The following WDR19 variants were observed in gnomAD, a reference collection of about 807,000 sequenced individuals.
WDR19 encodes WD repeat-containing protein 19.
In WDR19, 121 loss-of-function variants were observed where a neutral mutation model predicts 180.0. The ratio of observed to expected loss-of-function variants is 0.67; its 90% CI spans 0.58 to 0.78. The LOEUF (loss-of-function observed/expected upper bound fraction) is 0.78, where lower values mean the gene tolerates loss of function less well. Ranked by LOEUF, WDR19 falls within the 30% of genes least tolerant of loss-of-function variation. The pLI is 0.00. For synonymous variants in WDR19, 497 were observed against 540.7 expected, an observed-to-expected ratio of 0.92 and a Z score of 1.12; for missense variants, 1,450 against 1,640.7, an observed-to-expected ratio of 0.88 and a Z score of 2.01.
rs1167602972 is a variant in WDR19, at chr4:39,281,215, G to GTGTGTGTGTGTGTGTATA, written c.*13+2553_*13+2554insGTGTGTGTGTGTGTATAT. ...TTGTCCTAAATATATATGTGTGTGT[G>GTGTGTGTGTGTGTGTATA]TATATATATATATATATATATAGAG... On this transcript the variant is annotated intron_variant, in intron 36 of 36. Transcript: ENST00000399820. 9.7e-4 allele frequency among the ~76,000 whole-genome samples: 107 copies of GTGTGTGTGTGTGTGTATA among 110,096 alleles called. 5 individuals are homozygous for GTGTGTGTGTGTGTGTATA. Among genetic ancestry groups the GTGTGTGTGTGTGTGTATA allele is most frequent in the Middle Eastern group, 4.2e-3 (1 of 238 alleles). 72.2% of individuals were successfully genotyped at this position (110,096 alleles called of 152,430 possible).
chr4:39,239,188 G>A (rs759860589), intron 20 of WDR19, among the ~76,000 whole-genome samples: 3 of 152,110 alleles, frequency 2.0e-5, no homozygotes, highest in Non-Finnish European at 2.9e-5. Context: ...ATGTTGGTCA[G>A]GCTGGTCTTG....
Position 39,240,318 on chromosome 4 carries a change from T to A in WDR19, c.2405T>A (p.Ile802Lys), listed in dbSNP as rs772297321. The A allele has an allele frequency of 1.3e-5, 19 of 1,437,830 alleles. No homozygotes were observed. In the South Asian group the frequency reaches 2.8e-4, roughly 21 times the overall value. The allele number at this position is 1,437,830 out of a possible 1,614,324, so 89.1% of individuals were successfully genotyped here. A position where few individuals can be genotyped will look rare whatever the true frequency, so the allele number is the denominator to read the frequency against. ...GCTTTGGCTCATTATGAGAAAGGAATAACAGGTGATAATAAGGTAACCTTG... is the reference window on the plus strand; with the variant it reads ...GCTTTGGCTCATTATGAGAAAGGAAAAACAGGTGATAATAAGGTAACCTTG... ...VNALAHYEKG[I>K]TGDNKEHDEA... The change falls in exon 21 of 37, where the codon ATA becomes AAA. Residue 802 changes from isoleucine (I) to lysine (K), a missense_variant. Coordinates refer to ENST00000399820, the MANE Select transcript of WDR19 (RefSeq NM_025132.4).
rs769790962 is a variant in WDR19, at chr4:39,205,754, AT to A, written c.890+23del. 1.1e-5 allele frequency: 17 copies of A among 1,567,714 alleles called. No homozygotes were observed. The highest frequency in any genetic ancestry group is 1.5e-5 in the Non-Finnish European group (17 of 1,154,940). On this transcript the variant is annotated intron_variant, in intron 9 of 36. Coordinates refer to ENST00000399820, the MANE Select transcript of WDR19 (RefSeq NM_025132.4). Reference sequence around the variant, plus strand: ...GATAACTGGTAAGTTATTTTCACATATTTTTAGGAAAGCTTATATAGTAAAT... The same window carrying A: ...GATAACTGGTAAGTTATTTTCACATATTTTAGGAAAGCTTATATAGTAAAT...
intron 24 of WDR19, among the ~76,000 whole-genome samples, chr4:39,249,923 G>A (rs948308016): frequency 2.6e-5 from 4 of 152,144 alleles, no homozygotes; most frequent in Non-Finnish European, 5.9e-5. Flanking sequence ...GGTACAAGGA[G>A]GAGCTGGTAC....
At chr4:39,266,955 C>T (rs1200029635) in intron 29 of WDR19, among the ~76,000 whole-genome samples, 5 of 152,120 alleles carry the variant, frequency 3.3e-5, no homozygotes, top group East Asian at 1.9e-4. Context: ...TGGTGGCATG[C>T]GCCTATAGTC....
intron 20 of WDR19, among the ~76,000 whole-genome samples, chr4:39,239,003 G>A (rs980343348): frequency 2.6e-5 from 4 of 152,118 alleles, no homozygotes. Context: ...TTGAGATGGA[G>A]TCTCACTCTG....
rs753924776 is a variant in WDR19 at position 39,228,649 on chromosome 4, C to T, written c.1941C>T (p.Asp647=). 8.7e-6 allele frequency: 14 copies of T among 1,609,540 alleles called. No individual in the cohort carries two copies. Among genetic ancestry groups the T allele is most frequent in the East Asian group, 4.5e-5 (2 of 44,856 alleles). Residue 647 remains aspartate (D), a synonymous_variant, in exon 17 of 37, where the codon GAC becomes GAT. Transcript: ENST00000399820. The part of the protein sequence containing the change: ...FLSNLKDTGP[D]ELRPMLAQNL... ...GCAACTTAAAAGATACGGGGCCTGA[C>T]GAACTGAGACCAATGCTGGCACAGA...
intron 31 of WDR19, among the ~76,000 whole-genome samples, chr4:39,272,172 GA>G (rs2109504975): frequency 6.6e-6 from 1 of 152,322 alleles, no homozygotes; most frequent in Non-Finnish European, 1.5e-5. Flanking sequence ...TGGAAGCACA[GA>G]ATCTAACAAA....
In WDR19 at chr4:39,231,818, G is replaced by A. The variant is rs765219782; in HGVS notation, c.2004G>A (p.Met668Ile). Residue 668 changes from methionine to isoleucine, a missense_variant, in exon 18 of 37, where the codon ATG (methionine) becomes ATA (isoleucine). Physicochemically the swap from Met to Ile is conservative, Grantham distance 10. Transcript: ENST00000399820. ...CCAGGTTTTCTGATGCTTGGGAAAT[G>A]TGCAGGATTCTGAATGATGAGGCTG... is the stretch of plus-strand genomic sequence containing the variant. ...MLKRFSDAWE[M>I]CRILNDEAAW... The A allele has an allele frequency of 6.3e-7, 1 of 1,594,186 alleles. No homozygotes were observed.
rs913006880 is a variant in WDR19, at chr4:39,184,989, T to C, written c.7-737T>C. Among the ~76,000 whole-genome samples, 66 of 152,334 alleles carry C rather than the reference T, an allele frequency of 4.3e-4. 2 individuals are homozygous for C. Among genetic ancestry groups the C allele is most frequent in the South Asian group, 4.1e-3 (20 of 4,828 alleles). On this transcript the variant is annotated intron_variant, in intron 1 of 36. Coordinates refer to ENST00000399820, the MANE Select transcript of WDR19 (RefSeq NM_025132.4). ...ATCTTACCCAGTATATCAAAAATGTTATTTCAACATGTAATCAATATAAAA... is the reference window on the plus strand; with the variant it reads ...ATCTTACCCAGTATATCAAAAATGTCATTTCAACATGTAATCAATATAAAA...
chr4:39,240,195 A>G, intron 20 of WDR19, 82 bp from the exon 21 acceptor site: 1 of 594,364 alleles, frequency 1.7e-6, no homozygotes, highest in South Asian at 4.6e-5. Flanking sequence ...AAAAAAAAAA[A>G]AAAAAAAGGA....
chr4:39,273,125 G>A (rs186611307), intron 32 of WDR19, 64 bp downstream of exon 32: 37 of 1,310,822 alleles, frequency 2.8e-5, no homozygotes, highest in Admixed American at 2.3e-4. Flanking sequence ...CTAGCCCAGC[G>A]CCCCTTTTGC....
intron 9 of WDR19, among the ~76,000 whole-genome samples, chr4:39,213,428 A>G (rs917272423): frequency 6.6e-6 from 1 of 152,240 alleles, no homozygotes; most frequent in African/African-American, 2.4e-5. Flanking sequence ...AACAACTTGA[A>G]TGAATTTCCA....
intron 9 of WDR19, among the ~76,000 whole-genome samples, chr4:39,212,869 T>G (rs1728694952): frequency 6.6e-6 from 1 of 152,080 alleles, no homozygotes; most frequent in South Asian, 2.1e-4. Context: ...AATAATACAT[T>G]TACTTATATA....
At chr4:39,257,416 T>C in intron 27 of WDR19, 70 bp from the exon 28 acceptor site, 2 of 1,388,948 alleles carry the variant, frequency 1.4e-6, no homozygotes, top group East Asian at 5.0e-5. Context: ...GTTAAAGCTG[T>C]GTGAAAGCTT....
rs587777348 is a variant in WDR19 at position 39,205,183 on chromosome 4, G to GT, written c.641dup (p.Leu214PhefsTer5). 20 of 1,595,606 alleles carry GT rather than the reference G, an allele frequency of 1.3e-5. No individual in the cohort carries two copies. Among genetic ancestry groups the GT allele is most frequent in the Admixed American group, 3.5e-5 (2 of 57,350 alleles). ...GTGTGGTGCTTGGCAAGAAAACTTT[G>GT]TTTTTTTTAAATCTGAATGAACCAG... On this transcript the variant is annotated frameshift_variant, in exon 8 of 37. Transcript: ENST00000399820. LOFTEE classifies it high-confidence loss of function.
intron 21 of WDR19, 113 bp from the exon 22 acceptor site, chr4:39,244,135 T>C (rs891021555): frequency 6.3e-6 from 8 of 1,266,528 alleles, no homozygotes; most frequent in South Asian, 2.6e-5. Flanking sequence ...CCTGAAAAGA[T>C]AAAAGTAAAC....
At chr4:39,272,556 C>T (rs1247663276) in intron 31 of WDR19, among the ~76,000 whole-genome samples, 1 of 152,200 alleles carries the variant, frequency 6.6e-6, no homozygotes, top group Non-Finnish European at 1.5e-5. Flanking sequence ...GGTCCTTGCC[C>T]AGTCTCAGGC....
chr4:39,227,460 GA>G (rs1730395981), intron 15 of WDR19, among the ~76,000 whole-genome samples: 2 of 152,132 alleles, frequency 1.3e-5, no homozygotes, highest in African/African-American at 4.8e-5. Flanking sequence ...ATATTCAGGG[GA>G]AAAATGGATG....
Sources: gnomAD v4.1 joint callset for allele counts (sites outside exome capture counted in the v4.1 genomes callset) on GRCh38, gnomAD v4.1.1 for gene constraint, MANE v1.5 for transcripts, NCBI Gene and HGNC (gene_info 2026-07-23, HGNC 2026-07-21) for gene names.